Variants in GLB1 observed in about 807,000 individuals in gnomAD.
GLB1 encodes galactosidase beta 1.
GLB1 carries 56 observed loss-of-function variants against 74.0 expected under a neutral mutation model. That is an observed-to-expected ratio of 0.76 (90% CI 0.61 to 0.94). GLB1 has a LOEUF of 0.94. Among genes scored for constraint, GLB1 ranks in the 40% least tolerant of loss-of-function variants. The pLI is 0.00. For synonymous variants in GLB1, 323 were observed against 323.6 expected (o/e 1.00, Z 0.02); for missense variants, 787 against 845.5 (o/e 0.93, Z 0.86).
chr3:33,050,026 A>G (rs763822539), intron 9 of GLB1, among the ~76,000 whole-genome samples: 4 of 152,240 alleles, frequency 2.6e-5, no homozygotes, highest in Non-Finnish European at 5.9e-5. Context: ...TCAAAACTCA[A>G]CAGCTGGGCA....
intron 15 of GLB1, among the ~76,000 whole-genome samples, chr3:33,011,338 A>G (rs1177636100): frequency 1.3e-5 from 2 of 152,158 alleles, no homozygotes; most frequent in African/African-American, 4.8e-5. Flanking sequence ...TAATAACTAT[A>G]AGTTGGAATG....
intron 1 of GLB1, among the ~76,000 whole-genome samples, chr3:33,074,592 C>A (rs943932214): frequency 1.8e-4 from 27 of 151,798 alleles, no homozygotes; most frequent in African/African-American, 6.5e-4. Context: ...AAAGGCAAGA[C>A]CTCAACGGGT....
intron 5 of GLB1, among the ~76,000 whole-genome samples, chr3:33,062,792 CAA>C (rs1699498668): frequency 6.6e-6 from 1 of 152,116 alleles, no homozygotes; most frequent in Non-Finnish European, 1.5e-5. Context: ...TCTCAAAAAA[CAA>C]AAACAATAAC....
Position 32,999,833 on chromosome 3 carries a change from T to C in GLB1, c.1735-2489A>G, listed in dbSNP as rs1696476616. ...GCCCAGCTCATTTTTGTATTTTTGG[T>C]AGAGATGGGGTTTTGCCATGTTGCC... On this transcript the variant is annotated intron_variant, in intron 15 of 15. Transcript: ENST00000307363. Among the ~76,000 whole-genome samples, 3 of 152,178 alleles carry C rather than the reference T, an allele frequency of 2.0e-5. No individual in the cohort carries two copies. In the East Asian group the frequency reaches 5.8e-4, roughly 29 times the overall value.
chr3:33,091,639 AC>A, intron 1 of GLB1: 3 of 984,208 alleles, frequency 3.0e-6, no homozygotes, highest in South Asian at 9.4e-5. Flanking sequence ...TGAGGTAGAT[AC>A]GATAATTATC....
rs781460010 is a variant in GLB1, at chr3:33,014,083, G to C, written c.1707C>G (p.Thr569=). Residue 569 remains threonine, a synonymous_variant, in exon 15 of 16, where the codon ACC becomes ACG. Coordinates refer to ENST00000307363, the MANE Select transcript of GLB1 (RefSeq NM_000404.4). ...PSGIPDLPQD[T]FIQFPGWTKG... ...TGGTCCATCCAGGAAACTGGATAAA[G>C]GTGTCCTGGGGCAAGTCTGGGATCC... The C allele has an allele frequency of 3.1e-6, 5 of 1,614,204 alleles. No homozygotes were observed. Among genetic ancestry groups the C allele is most frequent in the Admixed American group, 1.7e-5 (1 of 60,026 alleles).
intron 10 of GLB1, chr3:33,045,843 A>G: frequency 9.9e-7 from 1 of 1,013,122 alleles, no homozygotes; most frequent in Non-Finnish European, 1.3e-6. Flanking sequence ...TTCTCACCAT[A>G]TAAGAAGTGA....
At chr3:33,092,792 C>G in intron 1 of GLB1, 2 of 1,542,338 alleles carry the variant, frequency 1.3e-6, no homozygotes, top group Non-Finnish European at 1.7e-6. Flanking sequence ...GATGGAGGGT[C>G]GAGGACAAGG....
At chr3:32,998,465 C>T (rs901625379) in intron 15 of GLB1, among the ~76,000 whole-genome samples, 11 of 151,094 alleles carry the variant, frequency 7.3e-5, no homozygotes, top group Admixed American at 1.3e-4. Context: ...GCTGAGATTG[C>T]GCCACTGCAC....
rs528143203 is a variant in GLB1 at position 33,049,063 on chromosome 3, T to C, written c.955+2695A>G. On this transcript the variant is annotated intron_variant, in intron 9 of 15. Coordinates refer to ENST00000307363, the MANE Select transcript of GLB1 (RefSeq NM_000404.4). ...ATTTTTTTTTAAGATGAATGTGTTA[T>C]TTTAAGTATAACAGTAAGATTTTTA... Among the ~76,000 whole-genome samples, 8 of 152,318 alleles carry C rather than the reference T, an allele frequency of 5.3e-5. No individual in the cohort carries two copies. In the South Asian group the frequency reaches 1.7e-3, roughly 32 times the overall value.
At chr3:33,074,332 G>GAAGGAAGGAAA in intron 1 of GLB1, among the ~76,000 whole-genome samples, 2 of 30,308 alleles carry the variant, frequency 6.6e-5, no homozygotes, top group East Asian at 2.4e-3. Flanking sequence ...AAAGAAGGAA[G>GAAGGAAGGAAA]GAAGGAAGGA....
intron 13 of GLB1, among the ~76,000 whole-genome samples, chr3:33,018,221 G>A (rs1368211710): frequency 6.7e-6 from 1 of 149,032 alleles, no homozygotes; most frequent in Non-Finnish European, 1.5e-5. Context: ...GGGAGGTTGA[G>A]GCTGCAGTGA....
At chr3:33,091,878 G>C (rs1206083686) in intron 1 of GLB1, 1 of 985,374 alleles carries the variant, frequency 1.0e-6, no homozygotes, top group African/African-American at 1.7e-5. Flanking sequence ...TCCATCTCAG[G>C]ATCAAAGGAT....
Position 33,093,314 on chromosome 3 carries a change from G to C in GLB1, c.75+3697C>G, listed in dbSNP as rs766219364. 25 of 1,614,150 alleles carry C rather than the reference G, an allele frequency of 1.5e-5. No individual in the cohort carries two copies. The East Asian group carries it at 5.6e-4, about 36-fold the overall frequency. ...CATTATGAAGAGGCTGGACATGCAG[G>C]GATTCCAGAAGTGCAAACCAGTTGC... On this transcript the variant is annotated intron_variant, in intron 1 of 15. Coordinates refer to ENST00000307363, the MANE Select transcript of GLB1 (RefSeq NM_000404.4). This position sits in a 1 kb window ranked among gnomAD's most constrained non-coding sequence, Gnocchi z 6.0.
chr3:33,046,168 A>G lies in GLB1; in HGVS notation c.1020T>C (p.Ala340=), dbSNP rs2125514062. 6.2e-7 allele frequency: 1 copy of G among 1,613,924 alleles called. No homozygotes were observed. Among genetic ancestry groups the G allele is most frequent in the Non-Finnish European group, 8.5e-7 (1 of 1,179,984 alleles). ...CAAAATACTTCTCAGTGAGGTCCCCAGCCTCACTCAGTGGGGCATCATAGT... is the reference window on the plus strand; with the variant it reads ...CAAAATACTTCTCAGTGAGGTCCCCGGCCTCACTCAGTGGGGCATCATAGT... The part of the protein sequence containing the change: ...SYDYDAPLSE[A]GDLTEKYFAL... The change falls in exon 10 of 16, where the codon GCT becomes GCC. Residue 340 remains alanine, a synonymous_variant. Transcript: ENST00000307363.
intron 1 of GLB1, chr3:33,077,178 C>A (rs765063996): frequency 2.7e-5 from 40 of 1,468,828 alleles, no homozygotes; most frequent in Non-Finnish European, 3.6e-5. Context: ...TTTTGTGAAG[C>A]GGCAGCTGAG....
rs1559412913 is a variant in GLB1, at chr3:33,074,380, G to GAAA, written c.76-1668_76-1667insTTT. Among the ~76,000 whole-genome samples the GAAA allele has an allele frequency of 5.1e-3, 647 of 127,786 alleles. 101 individuals are homozygous for GAAA. The highest frequency in any genetic ancestry group is 0.015 in the South Asian group (57 of 3,826). 83.8% of individuals were successfully genotyped at this position (127,786 alleles called of 152,430 possible). A position where few individuals can be genotyped will look rare whatever the true frequency, so the allele number is the denominator to read the frequency against. ...AGGAAGGAAGGAAGGAAGGAAGGAA[G>GAAA]GAAGGAAGGAAGAAAGAAAGAAAGA... On this transcript the variant is annotated intron_variant, in intron 1 of 15. Transcript: ENST00000307363.
chr3:33,073,340 G>A (rs1342344712), intron 1 of GLB1, among the ~76,000 whole-genome samples: 1 of 152,164 alleles, frequency 6.6e-6, no homozygotes, highest in Non-Finnish European at 1.5e-5. Context: ...TGTGGGCCAT[G>A]ACCTGATTTG....
chr3:33,054,116 C>A (rs1391104985), intron 6 of GLB1, among the ~76,000 whole-genome samples: 1 of 152,130 alleles, frequency 6.6e-6, no homozygotes, highest in African/African-American at 2.4e-5. Context: ...GGCACGGCAC[C>A]ATTTTTGAAG....
Sources: allele counts gnomAD v4.1 joint callset (sites outside exome capture counted in the v4.1 genomes callset), GRCh38; gene constraint gnomAD v4.1.1; non-coding constraint Gnocchi (gnomAD v3.1); transcripts MANE v1.5; gene names NCBI Gene and HGNC (gene_info 2026-07-23, HGNC 2026-07-21).